Variants in RBFOX1 observed in about 807,000 individuals in gnomAD.
RBFOX1 encodes the protein RNA binding fox-1 homolog 1, also known as RNA binding protein fox-1 homolog 1.
A neutral mutation model predicts 57.7 loss-of-function variants in RBFOX1; 8 were observed. The observed-to-expected ratio is 0.14, with a 90% confidence interval of 0.08 to 0.25. The LOEUF (loss-of-function observed/expected upper bound fraction) is 0.25, where lower values mean the gene tolerates loss of function less well. RBFOX1 is among the 10% of genes least tolerant of loss of function. RBFOX1 has a pLI of 1.00. For missense variants in RBFOX1, 611 were observed against 548.5 expected (o/e 1.11, Z -1.14); for synonymous variants, 326 against 222.4 (o/e 1.47, Z -4.15).
chr16:6,432,538 G>T (rs920236456), intron 2 of RBFOX1, among the ~76,000 whole-genome samples: 1 of 151,264 alleles, frequency 6.6e-6, no homozygotes, highest in Non-Finnish European at 1.5e-5. Context: ...AAAAATGAGC[G>T]GGGTGTGGTG....
At chr16:7,085,906 C>T (rs1345820616) in intron 4 of RBFOX1, among the ~76,000 whole-genome samples, 4 of 152,132 alleles carry the variant, frequency 2.6e-5, no homozygotes, top group Non-Finnish European at 5.9e-5. Flanking sequence ...GTTGGTGATT[C>T]GGTTCTTGAT....
At chr16:6,577,970 C>G (rs1056553402) in intron 2 of RBFOX1, among the ~76,000 whole-genome samples, 1 of 152,180 alleles carries the variant, frequency 6.6e-6, no homozygotes, top group African/African-American at 2.4e-5. Flanking sequence ...CAAGGTTACC[C>G]AGTTAGGAAA....
At chr16:5,518,945 C>G (rs893653045) in intron 2 of RBFOX1, among the ~76,000 whole-genome samples, 2 of 152,120 alleles carry the variant, frequency 1.3e-5, no homozygotes, top group African/African-American at 4.8e-5. Context: ...GAGATAAGAC[C>G]TTTAAAGAGG....
At chr16:7,181,586 G>C (rs569297841) in intron 4 of RBFOX1, among the ~76,000 whole-genome samples, 2 of 150,474 alleles carry the variant, frequency 1.3e-5, no homozygotes, top group East Asian at 3.9e-4. Context: ...TTTCTCGCTT[G>C]CTTGCTTGCT....
At chr16:5,355,049 C>T (rs985724433) in intron 1 of RBFOX1, among the ~76,000 whole-genome samples, 4 of 151,622 alleles carry the variant, frequency 2.6e-5, no homozygotes, top group African/African-American at 9.7e-5. Flanking sequence ...AGGGGACAGA[C>T]AGAGAAGAGA....
intron 1 of RBFOX1, among the ~76,000 whole-genome samples, chr16:6,048,405 C>G (rs1017437564): frequency 6.6e-6 from 1 of 152,186 alleles, no homozygotes; most frequent in Non-Finnish European, 1.5e-5. Context: ...ATACCAGAAA[C>G]CTTCCAAATT....
At chr16:6,735,793 C>G (rs1178749379) in intron 3 of RBFOX1, among the ~76,000 whole-genome samples, 1 of 152,158 alleles carries the variant, frequency 6.6e-6, no homozygotes, top group Non-Finnish European at 1.5e-5. Context: ...GTTCCTCTCC[C>G]CCTGTGAAGA....
intron 4 of RBFOX1, among the ~76,000 whole-genome samples, chr16:7,352,474 G>C (rs1255682662): frequency 6.6e-6 from 1 of 152,126 alleles, no homozygotes. Flanking sequence ...GACGTGGGGT[G>C]GGTAAGAATC....
At chr16:7,581,166 T>A (rs567757291) in intron 6 of RBFOX1, among the ~76,000 whole-genome samples, 1 of 152,328 alleles carries the variant, frequency 6.6e-6, no homozygotes, top group Admixed American at 6.5e-5. Context: ...ATACCCAGCT[T>A]TGAATGCTGA....
intron 3 of RBFOX1, among the ~76,000 whole-genome samples, chr16:5,725,341 T>C (rs2052102184): frequency 1.3e-5 from 2 of 152,284 alleles, no homozygotes; most frequent in African/African-American, 2.4e-5. Flanking sequence ...ACTCTTTGGC[T>C]CAAGGGGTCC....
chr16:7,227,594 A>G (rs2093223608), intron 4 of RBFOX1, among the ~76,000 whole-genome samples: 1 of 152,138 alleles, frequency 6.6e-6, no homozygotes, highest in Admixed American at 6.5e-5. Flanking sequence ...CAAAGCCCGG[A>G]TGCCAGCTGC....
At chr16:7,029,079 TATACACAC>T (rs1478120027) in intron 3 of RBFOX1, among the ~76,000 whole-genome samples, 57 of 36,972 alleles carry the variant, frequency 1.5e-3, no homozygotes, top group Admixed American at 2.9e-3. Context: ...TATATATATA[TATACACAC>T]ACACACACAC....
intron 1 of RBFOX1, 93 bp downstream of exon 1, chr16:6,020,085 G>A: frequency 7.7e-7 from 1 of 1,304,776 alleles, no homozygotes. Flanking sequence ...AGGTCCCCGA[G>A]AACTGGCCTC....
chr16:5,331,577 A>G (rs1309476815), intron 1 of RBFOX1, among the ~76,000 whole-genome samples: 3 of 152,266 alleles, frequency 2.0e-5, no homozygotes, highest in South Asian at 2.1e-4. Flanking sequence ...CTTTGCAGAC[A>G]TCATACTTAT....
At chr16:5,376,826 C>G (rs576539104) in intron 1 of RBFOX1, among the ~76,000 whole-genome samples, 2 of 150,698 alleles carry the variant, frequency 1.3e-5, no homozygotes, top group East Asian at 3.9e-4. Context: ...CAGTAGCAGC[C>G]TCAGCCAGTG....
At chr16:6,515,499 C>A (rs1342425502) in intron 2 of RBFOX1, among the ~76,000 whole-genome samples, 2 of 152,150 alleles carry the variant, frequency 1.3e-5, no homozygotes, top group Non-Finnish European at 2.9e-5. Context: ...TGGGTCATAC[C>A]CAAATGGCCA....
At chr16:6,788,512 G>A (rs1397972605) in intron 3 of RBFOX1, among the ~76,000 whole-genome samples, 1 of 151,002 alleles carries the variant, frequency 6.6e-6, no homozygotes, top group South Asian at 2.1e-4. Context: ...CTCTTGCTCT[G>A]TCGCCCACGC....
intron 3 of RBFOX1, among the ~76,000 whole-genome samples, chr16:6,949,428 A>G (rs571242088): frequency 4.5e-4 from 69 of 152,208 alleles, no homozygotes; most frequent in Middle Eastern, 3.4e-3. Flanking sequence ...ACAAAATACC[A>G]CAGGCTGGGT....
At chr16:6,817,456 G>A (rs181035729) in intron 3 of RBFOX1, among the ~76,000 whole-genome samples, 1 of 151,572 alleles carries the variant, frequency 6.6e-6, no homozygotes, top group East Asian at 2.0e-4. Context: ...CGCTTTGTGA[G>A]GCAGAGGCAG....
Sources: gnomAD v4.1 joint callset for allele counts (sites outside exome capture counted in the v4.1 genomes callset) on GRCh38, gnomAD v4.1.1 for gene constraint, MANE v1.5 for transcripts, NCBI Gene and HGNC (gene_info 2026-07-23, HGNC 2026-07-21) for gene names.